Variants in CYP3A43 observed in about 807,000 individuals in gnomAD.
CYP3A43 encodes the protein cytochrome P450 3A43.
In CYP3A43, 45 loss-of-function variants were observed where a neutral mutation model predicts 58.0. The observed-to-expected ratio is 0.78, with a 90% CI of 0.61 to 0.99. The LOEUF (loss-of-function observed/expected upper bound fraction) is 0.99. Among genes scored for constraint, CYP3A43 ranks in the 50% least tolerant of loss-of-function variants. CYP3A43 has a pLI of 0.00. For synonymous variants in CYP3A43, 191 were observed against 201.4 expected, an observed-to-expected ratio of 0.95 and a Z score of 0.44; for missense variants, 593 against 591.9, an observed-to-expected ratio of 1.00 and a Z score of -0.02.
intron 4 of CYP3A43, among the ~76,000 whole-genome samples, 193 bp downstream of exon 4, chr7:99,844,435 A>G (rs909306249): frequency 1.3e-5 from 2 of 152,184 alleles, no homozygotes; most frequent in Non-Finnish European, 2.9e-5. Context: ...CCATTGACAC[A>G]ATCCACAGAA....
chr7:99,839,022 G>A, intron 2 of CYP3A43, 98 bp from the exon 3 acceptor site: 1 of 1,375,254 alleles, frequency 7.3e-7, no homozygotes, highest in Non-Finnish European at 1.0e-6. Context: ...CAAGCCTAAT[G>A]GTAGCAAGTC....
At chr7:99,863,445 G>A (rs2151628216) in intron 11 of CYP3A43, 92 bp from the exon 12 acceptor site, 23 of 1,091,202 alleles carry the variant, frequency 2.1e-5, no homozygotes, top group Admixed American at 2.9e-5. Context: ...GGAGGTCCTC[G>A]CCTCCCAAAA....
At chr7:99,848,990 G>A (rs1384078819) in intron 6 of CYP3A43, among the ~76,000 whole-genome samples, 3 of 152,162 alleles carry the variant, frequency 2.0e-5, no homozygotes, top group Non-Finnish European at 2.9e-5. Context: ...TGCCCTCAGA[G>A]CAACCTCAGA....
intron 9 of CYP3A43, among the ~76,000 whole-genome samples, chr7:99,857,876 A>G (rs1277458075): frequency 2.0e-5 from 3 of 152,122 alleles, no homozygotes; most frequent in Non-Finnish European, 4.4e-5. Flanking sequence ...ATAAGTAAAA[A>G]TAAAGAGCAG....
At chr7:99,842,659 T>C (rs1047263619) in intron 3 of CYP3A43, among the ~76,000 whole-genome samples, 3 of 152,356 alleles carry the variant, frequency 2.0e-5, no homozygotes, top group Non-Finnish European at 2.9e-5. Flanking sequence ...AAACTCACTA[T>C]GCCAAAATGA....
chr7:99,847,735 G>A (rs1817591025), intron 5 of CYP3A43, 134 bp downstream of exon 5: 2 of 1,384,572 alleles, frequency 1.4e-6, no homozygotes, highest in Admixed American at 1.7e-5. Flanking sequence ...TTTTCAGCTG[G>A]GCACAGTGGC....
At chr7:99,829,055 C>G (rs181498552) in intron 1 of CYP3A43, among the ~76,000 whole-genome samples, 238 of 152,316 alleles carry the variant, frequency 1.6e-3, no homozygotes, top group Non-Finnish European at 2.8e-3. Context: ...CCACTCCCTA[C>G]TTTTTAGCTT....
intron 1 of CYP3A43, among the ~76,000 whole-genome samples, chr7:99,833,903 A>G (rs963138101): frequency 2.0e-5 from 3 of 152,204 alleles, no homozygotes; most frequent in Non-Finnish European, 4.4e-5. Flanking sequence ...GCAAGAACTC[A>G]CTAATGAGGG....
intron 9 of CYP3A43, among the ~76,000 whole-genome samples, chr7:99,857,919 A>G (rs543914486): frequency 6.6e-6 from 1 of 152,240 alleles, no homozygotes; most frequent in South Asian, 2.1e-4. Context: ...CATTGTAAAT[A>G]TATCTATGTC....
chr7:99,848,098 C>A, intron 5 of CYP3A43, 68 bp from the exon 6 acceptor site: 2 of 1,482,546 alleles, frequency 1.3e-6, no homozygotes, highest in Non-Finnish European at 9.4e-7. Context: ...CTGTTCCATG[C>A]TGGGCAAAGC....
At chr7:99,855,280 C>T (rs1437265295) in intron 7 of CYP3A43, among the ~76,000 whole-genome samples, 1 of 152,206 alleles carries the variant, frequency 6.6e-6, no homozygotes, top group African/African-American at 2.4e-5. Flanking sequence ...CAAAGAGACT[C>T]TAGTCCAGTA....
chr7:99,837,754 T>C (rs1231060130), intron 2 of CYP3A43, among the ~76,000 whole-genome samples: 2 of 152,238 alleles, frequency 1.3e-5, no homozygotes, highest in Admixed American at 6.5e-5. Context: ...ATGTGTCTCA[T>C]AGTCTTCGAA....
At chr7:99,848,002 A>G in intron 5 of CYP3A43, 164 bp from the exon 6 acceptor site, 1 of 702,070 alleles carries the variant, frequency 1.4e-6, no homozygotes, top group Non-Finnish European at 2.4e-6. Context: ...CAAGAGCGAA[A>G]CTCTGTCTCA....
intron 9 of CYP3A43, among the ~76,000 whole-genome samples, chr7:99,857,125 G>A (rs561628737): frequency 6.6e-6 from 1 of 152,144 alleles, no homozygotes; most frequent in Non-Finnish European, 1.5e-5. Context: ...TGGCACTCCC[G>A]GAGGTCGGTC....
intron 9 of CYP3A43, among the ~76,000 whole-genome samples, chr7:99,858,803 C>G (rs1363060435): frequency 6.6e-6 from 1 of 151,926 alleles, no homozygotes; most frequent in Non-Finnish European, 1.5e-5. Context: ...AGCAATTCTC[C>G]TGCCTCAGCC....
chr7:99,865,203 A>G (rs1220347171), intron 12 of CYP3A43, among the ~76,000 whole-genome samples: 1 of 148,324 alleles, frequency 6.7e-6, no homozygotes, highest in Non-Finnish European at 1.5e-5. Flanking sequence ...TTCAATTTCC[A>G]TGACAATTTG....
At chr7:99,858,691 T>G (rs1265281946) in intron 9 of CYP3A43, among the ~76,000 whole-genome samples, 3 of 131,462 alleles carry the variant, frequency 2.3e-5, no homozygotes, top group Non-Finnish European at 4.5e-5. Flanking sequence ...TTATTATTAT[T>G]ATTATTATTA....
intron 10 of CYP3A43, among the ~76,000 whole-genome samples, chr7:99,860,865 A>G (rs1260141906): frequency 2.0e-5 from 3 of 149,066 alleles, no homozygotes; most frequent in Admixed American, 2.0e-4. Context: ...TTTATATAAC[A>G]TAGTGTTACT....
intron 7 of CYP3A43, among the ~76,000 whole-genome samples, chr7:99,852,442 C>A (rs1169909203): frequency 6.6e-6 from 1 of 151,954 alleles, no homozygotes; most frequent in East Asian, 1.9e-4. Flanking sequence ...GGTGGTGATT[C>A]CTTTTATTTA....
Sources: allele counts gnomAD v4.1 joint callset (sites outside exome capture counted in the v4.1 genomes callset), GRCh38; gene constraint gnomAD v4.1.1; transcripts MANE v1.5; gene names NCBI Gene and HGNC (gene_info 2026-07-23, HGNC 2026-07-21).